The following COL2A1 variants were observed in gnomAD, a reference collection of about 807,000 sequenced individuals.
COL2A1 encodes the protein collagen type II alpha 1 chain.
COL2A1 carries 28 observed loss-of-function variants against 204.5 expected under a neutral mutation model. That is an observed-to-expected ratio of 0.14 (90% CI 0.10 to 0.19). The LOEUF (loss-of-function observed/expected upper bound fraction) is 0.19. Ranked by LOEUF, COL2A1 falls within the 10% of genes least tolerant of loss-of-function variation. The probability of loss-of-function intolerance (pLI) is 1.00; values close to 1 mark genes in which losing one functional copy is unlikely to be tolerated. For missense variants in COL2A1, 1,388 were observed against 2,027.5 expected (o/e 0.68, Z 6.06); for synonymous variants, 708 against 718.7 (o/e 0.99, Z 0.24).
chr12:47,993,837 T>A lies in COL2A1; in HGVS notation c.896A>T (p.Lys299Met). ...HRGYPGLDGA[K>M]GEAGAPGVKG... is the part of the protein sequence containing the mutation. ...CACACCAGGAGCACCCGCCTCTCCCTTAGCACCGTCCAGGCCTGGATAACC... is the reference window on the plus strand; with the variant it reads ...CACACCAGGAGCACCCGCCTCTCCCATAGCACCGTCCAGGCCTGGATAACC... Residue 299 changes from lysine to methionine, a missense_variant, in exon 14 of 54, where the codon AAG becomes ATG. By Grantham distance (95) the Lys-to-Met change is moderately conservative (BLOSUM62 -1). Around this residue, in one of 3 missense-constraint regions of COL2A1, gnomAD observed 884 missense variants for 1,415.8 expected, o/e 0.62. Coordinates refer to ENST00000380518, the MANE Select transcript of COL2A1 (RefSeq NM_001844.5). 1 of 1,614,172 alleles carries A rather than the reference T, an allele frequency of 6.2e-7. No individual in the cohort carries two copies.
Position 47,974,795 on chromosome 12 carries a change from C to G in COL2A1, c.3954G>C (p.Glu1318Asp). The G allele has an allele frequency of 6.2e-7, 1 of 1,614,224 alleles. No individual in the cohort carries two copies. Among genetic ancestry groups the G allele is most frequent in the Non-Finnish European group, 8.5e-7 (1 of 1,180,040 alleles). ...TGGGGTAGACGCAAGTCTCGCCAGT[C>G]TCCATGTTGCAGAAAACCTTCATGG... The part of the protein sequence containing the change: ...LDAMKVFCNM[E>D]TGETCVYPNP... The change falls in exon 52 of 54, where the codon GAG becomes GAC. Residue 1318 changes from glutamate to aspartate, a missense_variant. Physicochemically the swap from Glu to Asp is conservative, Grantham distance 45 (BLOSUM62 2). Around this residue, in one of 3 missense-constraint regions of COL2A1, gnomAD observed 303 missense variants for 369.2 expected, o/e 0.82. Transcript: ENST00000380518.
chr12:47,996,549 A>G lies in COL2A1; in HGVS notation c.608T>C (p.Met203Thr), dbSNP rs1250360919. 6.8e-6 allele frequency: 11 copies of G among 1,613,854 alleles called. No individual in the cohort carries two copies. The highest frequency in any genetic ancestry group is 8.5e-6 in the Non-Finnish European group (10 of 1,179,780). Residue 203 changes from methionine (M) to threonine (T), a missense_variant and splice_region_variant, in exon 8 of 54, where the codon ATG becomes ACG. Physicochemically the swap from Met to Thr is moderately conservative, Grantham distance 81 (BLOSUM62 -1). Transcript: ENST00000380518. ...CAAAGAACTAGTGTCTTTTCTTACC[A>G]TTGGTCCTTGCATTACTCCCAACTG... ...GAQLGVMQGP[M>T]GPMGPRGPPG...
In COL2A1 at chr12:47,974,155, A is replaced by C; in HGVS notation, c.4251T>G (p.Asn1417Lys). ...LKKALLIQGS[N>K]DVEIRAEGNS... ...TGCCCTCTGCCCGGATCTCCACGTC[A>C]TTGGAGCCCTGGATGAGCAGGGCCT... The change falls in exon 53 of 54, where the codon AAT becomes AAG. Residue 1417 changes from asparagine to lysine, a missense_variant. Physicochemically the swap from Asn to Lys is moderately conservative, Grantham distance 94. Transcript: ENST00000380518. The C allele has an allele frequency of 6.2e-7, 1 of 1,614,168 alleles. No individual in the cohort carries two copies. Among genetic ancestry groups the C allele is most frequent in the Non-Finnish European group, 8.5e-7 (1 of 1,180,022 alleles).
rs1297537968 is a variant in COL2A1 at position 47,977,583 on chromosome 12, A to G, written c.3165+17T>C. ...GTCCTCCCCAACCCACTGCACACAC[A>G]GACACCAGACACTCACCTTGACTCC... On this transcript the variant is annotated intron_variant, in intron 45 of 53. Coordinates refer to ENST00000380518, the MANE Select transcript of COL2A1 (RefSeq NM_001844.5). 3 of 1,613,740 alleles carry G rather than the reference A, an allele frequency of 1.9e-6. No homozygotes were observed. The African/African-American group carries it at 4.0e-5, about 22-fold the overall frequency.
chr12:47,989,552 G>A (rs565233105), intron 17 of COL2A1, among the ~76,000 whole-genome samples: 8 of 152,318 alleles, frequency 5.3e-5, no homozygotes, highest in Middle Eastern at 3.4e-3. Flanking sequence ...CTGCTGAAAG[G>A]ATGGCTGAGG....
In COL2A1 at chr12:47,976,029, A is replaced by G; in HGVS notation, c.3531T>C (p.Ala1177=). Residue 1177 remains alanine (A), a synonymous_variant, in exon 50 of 54, where the codon GCT becomes GCC. Transcript: ENST00000380518. This position sits in a 1 kb window ranked among gnomAD's most constrained non-coding sequence, Gnocchi z 4.3. Reference sequence around the variant, plus strand: ...GCCCAATGGGGCCAGGGATTCCATTAGCACCATCTTTGCCAGAGGGACCGA... The same window carrying G: ...GCCCAATGGGGCCAGGGATTCCATTGGCACCATCTTTGCCAGAGGGACCGA... ...GPVGPSGKDG[A]NGIPGPIGPP... 6.2e-7 allele frequency: 1 copy of G among 1,614,016 alleles called. No individual in the cohort carries two copies. The highest frequency in any genetic ancestry group is 8.5e-7 in the Non-Finnish European group (1 of 1,179,958).
At chr12:47,998,657 T>C in intron 2 of COL2A1, 1 of 555,982 alleles carries the variant, frequency 1.8e-6, no homozygotes, top group South Asian at 2.5e-5. Flanking sequence ...CAGACTTTGT[T>C]ATTCAAAAAG....
rs777092306 is a variant in COL2A1 at position 47,987,053 on chromosome 12, C to A, written c.1365+25G>T. 6.2e-7 allele frequency: 1 copy of A among 1,609,880 alleles called. No homozygotes were observed. The highest frequency in any genetic ancestry group is 8.5e-7 in the Non-Finnish European group (1 of 1,176,238). ...TTTGACTCCAGAGATGTCAGTGGAA[C>A]TTGGGGGTCACTTTGGGCTCTTACC... On this transcript the variant is annotated intron_variant, in intron 21 of 53. Transcript: ENST00000380518. This position sits in a 1 kb window ranked among gnomAD's most constrained non-coding sequence, Gnocchi z 4.1.
At chr12:47,982,053 G>A in intron 35 of COL2A1, 54 bp downstream of exon 35, 1 of 1,558,202 alleles carries the variant, frequency 6.4e-7, no homozygotes, top group Non-Finnish European at 8.9e-7. Context: ...TGCTCTCCTG[G>A]GTGCAGGGCT....
At chr12:47,983,795 G>T in intron 29 of COL2A1, 59 bp from the exon 30 acceptor site, 1 of 1,535,724 alleles carries the variant, frequency 6.5e-7, no homozygotes, top group South Asian at 1.2e-5. Context: ...GAGAGCCACA[G>T]CTAGTAGGGC....
chr12:47,986,476 G>T, intron 22 of COL2A1, 33 bp from the exon 23 acceptor site: 2 of 1,370,332 alleles, frequency 1.5e-6, no homozygotes, highest in Non-Finnish European at 2.0e-6. Context: ...AACAGAGTGA[G>T]CCTTCACCTG....
intron 12 of COL2A1, among the ~76,000 whole-genome samples, 165 bp from the exon 13 acceptor site, chr12:47,994,212 C>T (rs1013817323): frequency 1.3e-5 from 2 of 152,204 alleles, no homozygotes; most frequent in African/African-American, 2.4e-5. Context: ...CCTCCCCGTA[C>T]CCCCCATTTT....
intron 2 of COL2A1, chr12:47,999,655 T>TTTTTTTTTAA: frequency 5.4e-6 from 1 of 185,846 alleles, no homozygotes; most frequent in East Asian, 9.3e-5. Context: ...TTTTTTTTTG[T>TTTTTTTTTAA]AGAATCACAT....
chr12:47,984,941 AG>A (rs1592215982), intron 27 of COL2A1, 53 bp downstream of exon 27: 2 of 1,437,320 alleles, frequency 1.4e-6, no homozygotes, highest in East Asian at 4.6e-5. Flanking sequence ...CCAAGAGGGC[AG>A]GGAGGTAGGT....
At chr12:47,990,181 G>T (rs2136592440) in intron 16 of COL2A1, among the ~76,000 whole-genome samples, 1 of 152,014 alleles carries the variant, frequency 6.6e-6, no homozygotes. Context: ...TTTTTTTATT[G>T]TTATTTTTAG....
chr12:48,001,951 G>T (rs1940256016), intron 1 of COL2A1, among the ~76,000 whole-genome samples: 2 of 152,116 alleles, frequency 1.3e-5, no homozygotes, highest in Non-Finnish European at 2.9e-5. Flanking sequence ...GAACTGTTTT[G>T]CTTCACCGCC....
Position 48,004,247 on chromosome 12 carries a change from G to C in COL2A1, c.75C>G (p.Gly25=), listed in dbSNP as rs1253191190. Residue 25 remains glycine (G), a synonymous_variant, in exon 1 of 54, where the codon GGC becomes GGG. Transcript: ENST00000380518. ...LLVAAVLRCQ[G]QDVQEAGSCV... is the part of the protein sequence containing the mutation. ...CGGGGGAAGACTTACGGACATCCTGGCCCTGACACCGAAGGACAGCGGCGA... is the reference window on the plus strand; with the variant it reads ...CGGGGGAAGACTTACGGACATCCTGCCCCTGACACCGAAGGACAGCGGCGA... The C allele has an allele frequency of 5.8e-6, 9 of 1,549,172 alleles. No individual in the cohort carries two copies. Among genetic ancestry groups the C allele is most frequent in the African/African-American group, 1.4e-5 (1 of 72,984 alleles).
chr12:47,975,279 T>G (rs973798333), intron 51 of COL2A1, 38 bp downstream of exon 51: 1 of 1,611,820 alleles, frequency 6.2e-7, no homozygotes, highest in South Asian at 1.1e-5. Context: ...GATGACTCCC[T>G]GCTTCCCGGG....
rs1459011488 is a variant in COL2A1, at chr12:47,987,843, A to G, written c.1123-134T>C. ...CATGCACCCAACCCTGCACATGAACATGTGCGTTCACACACAGTTCACGCT... is the reference window on the plus strand; with the variant it reads ...CATGCACCCAACCCTGCACATGAACGTGTGCGTTCACACACAGTTCACGCT... On this transcript the variant is annotated intron_variant, in intron 18 of 53. Transcript: ENST00000380518. This position sits in a 1 kb window ranked among gnomAD's most constrained non-coding sequence, Gnocchi z 4.1. The G allele has an allele frequency of 2.8e-6, 2 of 714,838 alleles. No homozygotes were observed. The highest frequency in any genetic ancestry group is 5.0e-6 in the Non-Finnish European group (2 of 402,570). The allele number at this position is 714,838 out of a possible 1,614,324, so 44.3% of individuals were successfully genotyped here.
Sources: allele counts gnomAD v4.1 joint callset (sites outside exome capture counted in the v4.1 genomes callset), GRCh38; gene constraint gnomAD v4.1.1; regional missense constraint gnomAD v4.1.1; non-coding constraint Gnocchi (gnomAD v3.1); transcripts MANE v1.5; gene names NCBI Gene and HGNC (gene_info 2026-07-23, HGNC 2026-07-21).